The following METTL22 variants were observed in gnomAD, a reference collection of about 807,000 sequenced individuals.
METTL22 encodes the protein methyltransferase 22, Kin17 lysine.
Under a neutral mutation model 48.4 loss-of-function variants are expected in METTL22, and 51 were observed. That is an observed-to-expected ratio of 1.05 (90% CI 0.84 to 1.33). The LOEUF is 1.33. Ranked by LOEUF, METTL22 falls within the 40% of genes most tolerant of loss-of-function variation. The pLI is 0.00. For missense variants in METTL22, 678 were observed against 526.9 expected, an observed-to-expected ratio of 1.29 and a Z score of -2.81; for synonymous variants, 255 against 214.1, an observed-to-expected ratio of 1.19 and a Z score of -1.67.
rs752114474 is a variant in METTL22, at chr16:8,629,045, C to T, written c.449C>T (p.Ala150Val). The T allele has an allele frequency of 5.0e-6, 8 of 1,614,010 alleles. No homozygotes were observed. The highest frequency in any genetic ancestry group is 6.8e-6 in the Non-Finnish European group (8 of 1,180,036). The change falls in exon 3 of 11, where the codon GCA (alanine) becomes GTA (valine). Residue 150 changes from alanine to valine, a missense_variant. By Grantham distance (64) the Ala-to-Val change is moderately conservative (BLOSUM62 0). Coordinates refer to ENST00000381920, the MANE Select transcript of METTL22 (RefSeq NM_024109.4). ...LRDKVHPMIL[A>V]QEEDDVLGEE... ...GACAAGGTACATCCCATGATTCTAG[C>T]ACAGGAAGAAGACGACGTCCTGGGA...
downstream of METTL22, among the ~76,000 whole-genome samples, chr16:8,652,520 G>A (rs927867909): frequency 6.8e-6 from 1 of 146,752 alleles, no homozygotes; most frequent in African/African-American, 2.5e-5. Context: ...CTTGCTTGCT[G>A]TGAAACCCTC....
In METTL22 at chr16:8,631,339, G is replaced by C. The variant is rs142666878; in HGVS notation, c.514+2229G>C. ...AGAAATTATGTTCAATTCCCCCACTGTAGAAATAAAGTGAGACCCCAAGAG... is the reference window on the plus strand; with the variant it reads ...AGAAATTATGTTCAATTCCCCCACTCTAGAAATAAAGTGAGACCCCAAGAG... On this transcript the variant is annotated intron_variant, in intron 3 of 10. Coordinates refer to ENST00000381920, the MANE Select transcript of METTL22 (RefSeq NM_024109.4). 11 of 152,292 alleles carry C rather than the reference G, an allele frequency of 7.2e-5. No individual in the cohort carries two copies. In the East Asian group the frequency reaches 2.1e-3, roughly 29 times the overall value. The allele number at this position is 152,292 out of a possible 1,614,324, so 9.4% of individuals were successfully genotyped here.
the METTL22 span, among the ~76,000 whole-genome samples, chr16:8,660,902 G>C: frequency 1.4e-5 from 2 of 142,630 alleles, no homozygotes; most frequent in Admixed American, 1.4e-4. Context: ...GGAGGAGGAG[G>C]AGGAGCTGTG....
chr16:8,659,321 GA>G, the METTL22 span, among the ~76,000 whole-genome samples: 325 of 127,096 alleles, frequency 2.6e-3, no homozygotes, highest in African/African-American at 5.4e-3. Context: ...ACAGAATGAG[GA>G]AAAAAAAAAA....
At chr16:8,627,293 G>A (rs542829912) in intron 2 of METTL22, among the ~76,000 whole-genome samples, 2 of 152,202 alleles carry the variant, frequency 1.3e-5, no homozygotes, top group South Asian at 4.1e-4. Flanking sequence ...GCCTCTGCTT[G>A]TGTGCCTACC....
chr16:8,633,279 C>T (rs1403556237), intron 3 of METTL22, among the ~76,000 whole-genome samples: 1 of 152,080 alleles, frequency 6.6e-6, no homozygotes, highest in Admixed American at 6.5e-5. Context: ...GGTTCAGATT[C>T]TACATCTCCC....
downstream of METTL22, among the ~76,000 whole-genome samples, chr16:8,652,594 G>C (rs890684682): frequency 1.8e-4 from 28 of 151,394 alleles, no homozygotes; most frequent in African/African-American, 6.3e-4. Flanking sequence ...CGAGGTAGGA[G>C]GATCACTTGA....
At position 8,644,589 on chromosome 16, in the gene METTL22, CAT is replaced by C. The variant is rs2056726310; in HGVS notation, c.1044_1045del (p.Cys349Ter). 6.3e-7 allele frequency: 1 copy of C among 1,592,528 alleles called. No homozygotes were observed. On this transcript the variant is annotated frameshift_variant, in exon 10 of 11. Transcript: ENST00000381920. LOFTEE classifies it high-confidence loss of function. ...TTCACATTGAGACACTTGGACGTCA[CAT>C]GTGAAGCCTACGATCACTTCCGCTC... is the stretch of plus-strand genomic sequence containing the variant.
Position 8,647,780 on chromosome 16 carries a change from A to G in METTL22, c.*1637A>G, listed in dbSNP as rs1466358210. 6.6e-6 allele frequency: 1 copy of G among 152,224 alleles called. No homozygotes were observed. The highest frequency in any genetic ancestry group is 1.5e-5 in the Non-Finnish European group (1 of 68,048). The allele number at this position is 152,224 out of a possible 1,614,324, so 9.4% of individuals were successfully genotyped here. A position where few individuals can be genotyped will look rare whatever the true frequency, so the allele number is the denominator to read the frequency against. On this transcript the variant is annotated 3_prime_UTR_variant, in exon 11 of 11. Coordinates refer to ENST00000381920, the MANE Select transcript of METTL22 (RefSeq NM_024109.4). ...CCTGCCCCTCTGGGAGCAAGAAGAA[A>G]ACCTATGCATGTACGTTATTATAAA...
chr16:8,663,794 T>G, the METTL22 span, among the ~76,000 whole-genome samples: 47 of 152,350 alleles, frequency 3.1e-4, no homozygotes, highest in African/African-American at 1.1e-3. Context: ...CTGGGTTTCA[T>G]TTGTCAGACT....
the METTL22 span, chr16:8,667,202 A>C: frequency 6.6e-6 from 1 of 152,070 alleles, no homozygotes; most frequent in Non-Finnish European, 1.5e-5. Flanking sequence ...GTTCAATCTC[A>C]GTTCAGGTTT....
At chr16:8,652,296 CA>C (rs2056910618), downstream of METTL22, among the ~76,000 whole-genome samples, 1 of 146,982 alleles carries the variant, frequency 6.8e-6, no homozygotes, top group South Asian at 2.2e-4. Flanking sequence ...CCATCTCTAC[CA>C]AAAATACAAA....
At chr16:8,627,447 C>T (rs1178342517) in intron 2 of METTL22, among the ~76,000 whole-genome samples, 1 of 152,144 alleles carries the variant, frequency 6.6e-6, no homozygotes, top group East Asian at 1.9e-4. Flanking sequence ...CCTCAAGTAT[C>T]ATCTCCACAG....
downstream of METTL22, among the ~76,000 whole-genome samples, chr16:8,653,268 A>G (rs903156819): frequency 3.9e-5 from 6 of 152,230 alleles, no homozygotes; most frequent in African/African-American, 1.2e-4. Context: ...CCTCTGTTAA[A>G]ATCACAAGGG....
intron 5 of METTL22, among the ~76,000 whole-genome samples, chr16:8,637,763 C>G (rs4985079): frequency 0.99 from 150,427 of 152,338 alleles, 74,305 homozygotes; most frequent in Middle Eastern, 1. Flanking sequence ...GGGCTCCTAC[C>G]CCACTCAGCC....
the METTL22 span, among the ~76,000 whole-genome samples, chr16:8,655,502 C>A: frequency 6.6e-6 from 1 of 152,186 alleles, no homozygotes; most frequent in Non-Finnish European, 1.5e-5. Context: ...GGGAGGTAAC[C>A]TAATCTGAGA....
At chr16:8,657,958 G>A in the METTL22 span, among the ~76,000 whole-genome samples, 1 of 152,100 alleles carries the variant, frequency 6.6e-6, no homozygotes, top group Admixed American at 6.5e-5. Context: ...CTGGGATACA[G>A]GCGTGTGACG....
Position 8,646,370 on chromosome 16 carries a change from C to T in METTL22, c.*227C>T, listed in dbSNP as rs1368161729. The stretch of plus-strand genomic sequence containing the variant: ...GAGGTCACTTTAGTTGCCTGTTTCT[C>T]ATGGTTGTGATGTGTGCTCCAGGGT... On this transcript the variant is annotated 3_prime_UTR_variant, in exon 11 of 11. Transcript: ENST00000381920. The T allele has an allele frequency of 1.4e-6, 1 of 704,564 alleles. No homozygotes were observed. Among genetic ancestry groups the T allele is most frequent in the South Asian group, 1.5e-5 (1 of 66,860 alleles). 43.6% of individuals were successfully genotyped at this position (704,564 alleles called of 1,614,324 possible).
chr16:8,623,778 C>T (rs2055944534), intron 1 of METTL22: 1 of 152,158 alleles, frequency 6.6e-6, no homozygotes, highest in South Asian at 2.1e-4. Context: ...CCACAGCAAC[C>T]ACTTAAATGT....
Sources: gnomAD v4.1 joint callset for allele counts (sites outside exome capture counted in the v4.1 genomes callset) on GRCh38, gnomAD v4.1.1 for gene constraint, MANE v1.5 for transcripts, NCBI Gene and HGNC (gene_info 2026-07-23, HGNC 2026-07-21) for gene names.